TNRC6B: variants seen among roughly 807,000 people sequenced by gnomAD.
TNRC6B encodes trinucleotide repeat-containing gene 6B protein.
TNRC6B carries 52 observed loss-of-function variants against 203.6 expected under a neutral mutation model. The observed-to-expected ratio is 0.26, with a 90% CI of 0.20 to 0.32. The LOEUF (loss-of-function observed/expected upper bound fraction) is 0.32, where lower values mean the gene tolerates loss of function less well. Among genes scored for constraint, TNRC6B ranks in the 10% least tolerant of loss-of-function variants. The probability of loss-of-function intolerance (pLI) is 1.00; values close to 1 mark genes in which losing one functional copy is unlikely to be tolerated. For missense variants in TNRC6B, 1,923 were observed against 2,286.2 expected (o/e 0.84, Z 3.24); for synonymous variants, 838 against 845.7 (o/e 0.99, Z 0.16).
At position 40,273,424 on chromosome 22, in the gene TNRC6B, G is replaced by T; in HGVS notation, c.2966-1G>T. ...AGAGTTAATTCATTCTTTCCTTAAA[G>T]ATTCCAAATCTATGCAAGACGGCTG... On this transcript the variant is annotated splice_acceptor_variant, in intron 6 of 22. Coordinates refer to ENST00000454349, the MANE Select transcript of TNRC6B (RefSeq NM_001162501.2). LOFTEE classifies it high-confidence loss of function. The T allele has an allele frequency of 6.3e-7, 1 of 1,596,680 alleles. No homozygotes were observed. The highest frequency in any genetic ancestry group is 2.2e-5 in the East Asian group (1 of 44,574).
intron 3 of TNRC6B, among the ~76,000 whole-genome samples, chr22:40,153,181 G>A (rs1342243292): frequency 6.6e-6 from 1 of 152,120 alleles, no homozygotes; most frequent in African/African-American, 2.4e-5. Flanking sequence ...GTCATTCAAG[G>A]TCTCAAAAAA....
At chr22:40,245,359 G>A (rs1431408149) in intron 1 of TNRC6B, among the ~76,000 whole-genome samples, 1 of 152,062 alleles carries the variant, frequency 6.6e-6, no homozygotes, top group Non-Finnish European at 1.5e-5. Context: ...CCAGAGTGCT[G>A]GGATTACAGG....
At chr22:40,084,226 G>A (rs2068084017) in intron 1 of TNRC6B, among the ~76,000 whole-genome samples, 1 of 152,154 alleles carries the variant, frequency 6.6e-6, no homozygotes, top group South Asian at 2.1e-4. Flanking sequence ...GGGTCAAGGG[G>A]TAGAAGGACC....
At chr22:40,259,461 A>G (rs1376649756) in intron 3 of TNRC6B, among the ~76,000 whole-genome samples, 1 of 152,120 alleles carries the variant, frequency 6.6e-6, no homozygotes, top group Admixed American at 6.5e-5. Flanking sequence ...TGACCCTGTG[A>G]TCTACCCACC....
At position 40,177,951 on chromosome 22, in the gene TNRC6B, A is replaced by G; in HGVS notation, c.-185A>G. The G allele has an allele frequency of 7.1e-7, 1 of 1,409,332 alleles. No individual in the cohort carries two copies. The highest frequency in any genetic ancestry group is 9.2e-7 in the Non-Finnish European group (1 of 1,086,658). The allele number at this position is 1,409,332 out of a possible 1,614,324, so 87.3% of individuals were successfully genotyped here. A position where few individuals can be genotyped will look rare whatever the true frequency, so the allele number is the denominator to read the frequency against. ...GAGACAGAGAGGGAGAGAGAGAGCA[A>G]GAGGGAGAGTGTGTGAGAGAGAGTT... On this transcript the variant is annotated 5_prime_UTR_variant, in exon 1 of 23. Coordinates refer to ENST00000454349, the MANE Select transcript of TNRC6B (RefSeq NM_001162501.2).
Position 40,102,551 on chromosome 22 carries a change from C to T in TNRC6B, c.-120-14504C>T, listed in dbSNP as rs535681878. On this transcript the variant is annotated intron_variant, in intron 1 of 23. Transcript: ENST00000301923. ...ATCATAGCTAGTTATAAAAGAGTGC[C>T]GGGTATTTGCATTATAACAAAACAC... Among the ~76,000 whole-genome samples the T allele has an allele frequency of 7.9e-5, 12 of 152,140 alleles. No homozygotes were observed. In the South Asian group the frequency reaches 1.9e-3, roughly 24 times the overall value.
intron 1 of TNRC6B, among the ~76,000 whole-genome samples, chr22:40,235,806 A>AT (rs956878917): frequency 1.3e-5 from 2 of 151,734 alleles, no homozygotes; most frequent in Admixed American, 1.3e-4. Flanking sequence ...ATTCTAGAGT[A>AT]TTTTTGGAAA....
chr22:40,284,054 G>T (rs992395311), intron 11 of TNRC6B, among the ~76,000 whole-genome samples: 5 of 152,340 alleles, frequency 3.3e-5, no homozygotes, highest in Middle Eastern at 3.4e-3. Flanking sequence ...TGATCAGGGT[G>T]GCGAAGCTAC....
intron 1 of TNRC6B, among the ~76,000 whole-genome samples, chr22:40,085,024 CA>C (rs1015391620): frequency 6.6e-6 from 1 of 152,152 alleles, no homozygotes; most frequent in Non-Finnish European, 1.5e-5. Context: ...TAGGTCATTG[CA>C]ACTTCTGCCT....
chr22:40,236,046 A>G (rs1237739202), intron 1 of TNRC6B, among the ~76,000 whole-genome samples: 1 of 152,170 alleles, frequency 6.6e-6, no homozygotes, highest in Admixed American at 6.5e-5. Flanking sequence ...CATTCCAACA[A>G]TGGTAACTTC....
At chr22:40,073,072 C>T (rs1248783092) in intron 1 of TNRC6B, among the ~76,000 whole-genome samples, 2 of 151,610 alleles carry the variant, frequency 1.3e-5, no homozygotes, top group South Asian at 2.1e-4. Context: ...TGGTCAAGTC[C>T]CTAACAGGCA....
intron 1 of TNRC6B, among the ~76,000 whole-genome samples, chr22:40,065,860 A>G (rs1346087744): frequency 2.0e-5 from 3 of 152,100 alleles, no homozygotes; most frequent in Non-Finnish European, 4.4e-5. Flanking sequence ...TGGTGAGATT[A>G]GGCACAATTC....
chr22:40,169,130 CTTT>C lies in TNRC6B; in HGVS notation c.113+12966_113+12968del, dbSNP rs135632. 2.2e-3 allele frequency among the ~76,000 whole-genome samples: 239 copies of C among 109,644 alleles called. 2 individuals carry two copies. Among genetic ancestry groups the C allele is most frequent in the African/African-American group, 6.8e-3 (197 of 29,158 alleles). The allele number at this position is 109,644 out of a possible 152,430, so 71.9% of individuals were successfully genotyped here. A position where few individuals can be genotyped will look rare whatever the true frequency, so the allele number is the denominator to read the frequency against. On this transcript the variant is annotated intron_variant, in intron 4 of 23. Transcript: ENST00000301923. ...TGGTGAGTCCAGAGTTTGGAATCTTCTTTTTTTTTTTTTTTTTTTTGAGACGGA... is the reference window on the plus strand; with the variant it reads ...TGGTGAGTCCAGAGTTTGGAATCTTCTTTTTTTTTTTTTTTTTGAGACGGA...
rs992531854 is a variant in TNRC6B, at chr22:40,323,391, ACTGT to A, written c.*154_*157del. Reference sequence around the variant, plus strand: ...AGAAAAAAAGGTGGGTCATTGACAGACTGTCTGAGCACATAGTTGCCTCCCTTAT... The same window carrying A: ...AGAAAAAAAGGTGGGTCATTGACAGACTGAGCACATAGTTGCCTCCCTTAT... On this transcript the variant is annotated 3_prime_UTR_variant, in exon 23 of 23. Transcript: ENST00000454349. The A allele has an allele frequency of 1.8e-4, 176 of 996,150 alleles. No homozygotes were observed. The highest frequency in any genetic ancestry group is 2.1e-4 in the Non-Finnish European group (150 of 704,654). The allele number at this position is 996,150 out of a possible 1,614,324, so 61.7% of individuals were successfully genotyped here. A position where few individuals can be genotyped will look rare whatever the true frequency, so the allele number is the denominator to read the frequency against.
intron 1 of TNRC6B, among the ~76,000 whole-genome samples, chr22:40,062,483 A>G (rs955093671): frequency 5.3e-5 from 8 of 152,210 alleles, no homozygotes; most frequent in Admixed American, 2.0e-4. Context: ...TCCTGTGATT[A>G]CAGGTGTGAG....
At chr22:40,280,564 G>A (rs577916142) in intron 10 of TNRC6B, among the ~76,000 whole-genome samples, 1 of 152,130 alleles carries the variant, frequency 6.6e-6, no homozygotes, top group African/African-American at 2.4e-5. Context: ...TCTGTGTTTA[G>A]TTACAATGGT....
At chr22:40,292,863 G>T (rs1463665077) in intron 12 of TNRC6B, among the ~76,000 whole-genome samples, 1 of 152,192 alleles carries the variant, frequency 6.6e-6, no homozygotes, top group East Asian at 1.9e-4. Context: ...CATACGAGCT[G>T]GTGGCTTCTA....
chr22:40,176,210 C>T (rs1478900401), upstream of TNRC6B, among the ~76,000 whole-genome samples: 4 of 151,644 alleles, frequency 2.6e-5, no homozygotes, highest in South Asian at 2.1e-4. Flanking sequence ...CCACAACCTC[C>T]GCCTCCCGGG....
chr22:40,084,603 GA>G (rs1216957217), intron 1 of TNRC6B, among the ~76,000 whole-genome samples: 1 of 152,164 alleles, frequency 6.6e-6, no homozygotes, highest in East Asian at 1.9e-4. Flanking sequence ...CCTCTCTGAG[GA>G]GGTGCTATTT....
Sources: allele counts gnomAD v4.1 joint callset (sites outside exome capture counted in the v4.1 genomes callset), GRCh38; gene constraint gnomAD v4.1.1; transcripts MANE v1.5; gene names NCBI Gene and HGNC (gene_info 2026-07-23, HGNC 2026-07-21).